Variants in ADAMTSL3 observed in about 807,000 individuals in gnomAD.
ADAMTSL3 encodes the protein ADAMTS like 3.
Under a neutral mutation model 201.7 loss-of-function variants are expected in ADAMTSL3, and 128 were observed. That is an observed-to-expected ratio of 0.63 (90% CI 0.55 to 0.73). ADAMTSL3 has a LOEUF of 0.73. ADAMTSL3 is among the 30% of genes least tolerant of loss of function. The pLI is 0.00. For synonymous variants in ADAMTSL3, 738 were observed against 748.4 expected, an observed-to-expected ratio of 0.99 and a Z score of 0.23; for missense variants, 1,990 against 2,119.6, an observed-to-expected ratio of 0.94 and a Z score of 1.20.
Position 83,838,273 on chromosome 15 carries a change from A to G in ADAMTSL3, c.727+58A>G, listed in dbSNP as rs760658842. The G allele has an allele frequency of 8.4e-6, 13 of 1,544,182 alleles. No homozygotes were observed. In the South Asian group the frequency reaches 1.4e-4, roughly 17 times the overall value. On this transcript the variant is annotated intron_variant, in intron 7 of 29. Transcript: ENST00000286744. ...ATACAAGATATATTTTAGACTGTCT[A>G]TTGCTAGAATAACATTTTCTGAATG...
At chr15:83,836,624 A>G (rs981192088) in intron 6 of ADAMTSL3, among the ~76,000 whole-genome samples, 5 of 152,248 alleles carry the variant, frequency 3.3e-5, no homozygotes, top group African/African-American at 1.2e-4. Flanking sequence ...AAGATGAAAA[A>G]CACAGAGAAA....
At chr15:83,884,793 G>A (rs1031147019) in intron 9 of ADAMTSL3, among the ~76,000 whole-genome samples, 2 of 152,056 alleles carry the variant, frequency 1.3e-5, no homozygotes, top group African/African-American at 2.4e-5. Flanking sequence ...AATGTTTCAG[G>A]AAGAAAGACA....
At chr15:83,801,540 T>C (rs2063513407) in intron 4 of ADAMTSL3, among the ~76,000 whole-genome samples, 1 of 148,822 alleles carries the variant, frequency 6.7e-6, no homozygotes, top group Non-Finnish European at 1.5e-5. Flanking sequence ...AAATGCAAAA[T>C]AACCACTACA....
intron 3 of ADAMTSL3, among the ~76,000 whole-genome samples, chr15:83,705,215 G>A (rs1368815618): frequency 1.3e-5 from 2 of 152,136 alleles, no homozygotes; most frequent in Non-Finnish European, 2.9e-5. Context: ...GAATTTATGG[G>A]GCAGTTGAGC....
At chr15:83,689,483 A>G (rs1353222951) in intron 2 of ADAMTSL3, among the ~76,000 whole-genome samples, 1 of 152,226 alleles carries the variant, frequency 6.6e-6, no homozygotes, top group Non-Finnish European at 1.5e-5. Context: ...GATTTTATAC[A>G]AATGGAATCA....
At chr15:83,755,588 C>T (rs373765694) in intron 3 of ADAMTSL3, among the ~76,000 whole-genome samples, 5 of 152,126 alleles carry the variant, frequency 3.3e-5, no homozygotes, top group African/African-American at 4.8e-5. Context: ...AGCCTGTGCC[C>T]GAATTTCATT....
chr15:83,789,098 A>G (rs1479350458), intron 4 of ADAMTSL3, among the ~76,000 whole-genome samples: 8 of 152,178 alleles, frequency 5.3e-5, no homozygotes. Context: ...GGCATGAGCC[A>G]CCACACCCAG....
In ADAMTSL3 at chr15:83,988,543, A is replaced by G. The variant is rs2067523782; in HGVS notation, c.3717-148A>G. On this transcript the variant is annotated intron_variant, in intron 21 of 29. Coordinates refer to ENST00000286744, the MANE Select transcript of ADAMTSL3 (RefSeq NM_207517.3). ...TCCTGGTCTATATAGTTCTCTGCTT[A>G]TAGGCAGGATGCTGGACAAAATTAT... 5 of 550,252 alleles carry G rather than the reference A, an allele frequency of 9.1e-6. No individual in the cohort carries two copies. The Admixed American group carries it at 1.7e-4, about 19-fold the overall frequency. 34.1% of individuals were successfully genotyped at this position (550,252 alleles called of 1,614,324 possible).
chr15:83,952,361 G>A (rs1232466278), intron 19 of ADAMTSL3, among the ~76,000 whole-genome samples: 1 of 152,114 alleles, frequency 6.6e-6, no homozygotes, highest in Non-Finnish European at 1.5e-5. Context: ...TAAGACTTCT[G>A]TAGGGCTGAA....
chr15:84,012,792 C>T (rs1294248405), intron 23 of ADAMTSL3, among the ~76,000 whole-genome samples: 1 of 152,170 alleles, frequency 6.6e-6, no homozygotes, highest in Non-Finnish European at 1.5e-5. Context: ...GGATTAAGGA[C>T]AAAAAGTCCC....
chr15:83,766,702 C>A (rs1427046149), intron 3 of ADAMTSL3, among the ~76,000 whole-genome samples: 1 of 152,190 alleles, frequency 6.6e-6, no homozygotes, highest in Non-Finnish European at 1.5e-5. Context: ...TGGGGTAAGA[C>A]AGAAAGCGCT....
intron 2 of ADAMTSL3, among the ~76,000 whole-genome samples, chr15:83,691,483 C>G (rs1390122002): frequency 6.6e-6 from 1 of 152,202 alleles, no homozygotes; most frequent in African/African-American, 2.4e-5. Context: ...GAAATTTGAG[C>G]AGCCATCACC....
At chr15:83,854,240 C>T (rs1236422952) in intron 7 of ADAMTSL3, among the ~76,000 whole-genome samples, 2 of 151,530 alleles carry the variant, frequency 1.3e-5, no homozygotes, top group East Asian at 3.9e-4. Flanking sequence ...TTTTAGTGCA[C>T]TTATTTTTTC....
At chr15:83,866,354 C>T (rs979457218) in intron 8 of ADAMTSL3, among the ~76,000 whole-genome samples, 7 of 152,174 alleles carry the variant, frequency 4.6e-5, no homozygotes, top group Non-Finnish European at 1.5e-5. Flanking sequence ...GACTTGGAAC[C>T]AACCCAAATG....
chr15:83,885,406 A>G (rs1304304050), intron 10 of ADAMTSL3, among the ~76,000 whole-genome samples, 194 bp downstream of exon 10: 1 of 152,190 alleles, frequency 6.6e-6, no homozygotes, highest in African/African-American at 2.4e-5. Flanking sequence ...AGACAGGTGC[A>G]AAACTGGATT....
At chr15:83,947,599 G>C (rs1369313717) in intron 19 of ADAMTSL3, among the ~76,000 whole-genome samples, 1 of 152,084 alleles carries the variant, frequency 6.6e-6, no homozygotes, top group Non-Finnish European at 1.5e-5. Flanking sequence ...TTTATTTTCT[G>C]TACTTTGATG....
At chr15:84,007,018 C>T (rs569681739) in intron 23 of ADAMTSL3, among the ~76,000 whole-genome samples, 1 of 152,314 alleles carries the variant, frequency 6.6e-6, no homozygotes, top group South Asian at 2.1e-4. Context: ...GGAATTATCA[C>T]TATATTTCCC....
At chr15:83,679,756 C>A (rs2061452402) in intron 2 of ADAMTSL3, among the ~76,000 whole-genome samples, 1 of 152,146 alleles carries the variant, frequency 6.6e-6, no homozygotes, top group Non-Finnish European at 1.5e-5. Flanking sequence ...TTGTGCCTCC[C>A]CAGCCCCCAC....
At chr15:83,805,515 C>G (rs549946322) in intron 5 of ADAMTSL3, among the ~76,000 whole-genome samples, 1 of 151,638 alleles carries the variant, frequency 6.6e-6, no homozygotes, top group South Asian at 2.1e-4. Flanking sequence ...CAAGATCGCG[C>G]CACTGCACTC....
Sources: gnomAD v4.1 joint callset for allele counts (sites outside exome capture counted in the v4.1 genomes callset) on GRCh38, gnomAD v4.1.1 for gene constraint, MANE v1.5 for transcripts, NCBI Gene and HGNC (gene_info 2026-07-23, HGNC 2026-07-21) for gene names.